HS6ST2: variants seen among roughly 807,000 people sequenced by gnomAD.
The protein encoded by HS6ST2 is heparan sulfate 6-O-sulfotransferase 2.
In HS6ST2, 17 loss-of-function variants were observed where a neutral mutation model predicts 33.0. That is an observed-to-expected ratio of 0.52 (90% confidence interval 0.35 to 0.77). The LOEUF is 0.77. Among genes scored for constraint, HS6ST2 ranks in the 30% least tolerant of loss-of-function variants. The pLI, the probability that HS6ST2 is intolerant of heterozygous loss-of-function variation, is 0.01. For missense variants in HS6ST2, 519 were observed against 551.7 expected (o/e 0.94, Z 0.59); for synonymous variants, 248 against 237.1 (o/e 1.05, Z -0.42).
At chrX:132,646,020 A>G (rs2063638418) in intron 4 of HS6ST2, among the ~76,000 whole-genome samples, 1 of 112,233 alleles carries the variant, frequency 8.9e-6, no homozygotes, top group Non-Finnish European at 1.9e-5. Flanking sequence ...GTAAGTCATC[A>G]AGTTACATAT....
At chrX:132,669,281 C>G (rs2063838669) in intron 3 of HS6ST2, 82 bp from the exon 4 acceptor site, 3 of 801,203 alleles carry the variant, frequency 3.7e-6, no homozygotes, top group Non-Finnish European at 5.4e-6. Context: ...CATTTAAAGA[C>G]TCTCAAGGCC....
At chrX:132,767,159 T>C (rs978546214) in intron 2 of HS6ST2, among the ~76,000 whole-genome samples, 1 of 112,710 alleles carries the variant, frequency 8.9e-6, no homozygotes, top group African/African-American at 3.2e-5. Flanking sequence ...GACTTCAAGA[T>C]GACTGAGACC....
chrX:132,727,345 G>A (rs1301894169), intron 2 of HS6ST2, among the ~76,000 whole-genome samples: 1 of 110,722 alleles, frequency 9.0e-6, no homozygotes, highest in Non-Finnish European at 1.9e-5. Context: ...TTAGGCGCTT[G>A]GAATTCAAGG....
At chrX:132,699,466 G>A (rs919488430) in intron 3 of HS6ST2, among the ~76,000 whole-genome samples, 1 of 111,920 alleles carries the variant, frequency 8.9e-6, no homozygotes, top group African/African-American at 3.2e-5. Flanking sequence ...TGATCACTGA[G>A]TATTAAATCA....
intron 3 of HS6ST2, among the ~76,000 whole-genome samples, chrX:132,674,015 C>T (rs1356785540): frequency 4.5e-5 from 5 of 111,502 alleles, no homozygotes; most frequent in Non-Finnish European, 9.4e-5. Flanking sequence ...TTTCTTTGTT[C>T]CAAACTTTTT....
intron 2 of HS6ST2, among the ~76,000 whole-genome samples, chrX:132,790,773 T>G (rs941819720): frequency 8.9e-6 from 1 of 112,152 alleles, no homozygotes; most frequent in Non-Finnish European, 1.9e-5. Flanking sequence ...ACTAAGGCAT[T>G]AAAAGAGTGA....
chrX:132,789,940 G>A (rs1263458421), intron 2 of HS6ST2, among the ~76,000 whole-genome samples: 4 of 112,382 alleles, frequency 3.6e-5, no homozygotes, highest in African/African-American at 1.3e-4. Context: ...GTGGTTTCTT[G>A]AGATAGGATC....
At chrX:132,643,391 C>T (rs2063615910) in intron 4 of HS6ST2, among the ~76,000 whole-genome samples, 1 of 111,462 alleles carries the variant, frequency 9.0e-6, no homozygotes, top group East Asian at 2.8e-4. Context: ...GAGTAAGAGC[C>T]ATGTCCCATG....
intron 2 of HS6ST2, among the ~76,000 whole-genome samples, chrX:132,762,646 C>T (rs1569488118): frequency 9.0e-6 from 1 of 111,310 alleles, no homozygotes; most frequent in Non-Finnish European, 1.9e-5. Flanking sequence ...GCAGAGACCA[C>T]AAAAGACCCA....
intron 2 of HS6ST2, among the ~76,000 whole-genome samples, chrX:132,922,204 C>G (rs2066658207): frequency 9.0e-6 from 1 of 111,613 alleles, no homozygotes; most frequent in Non-Finnish European, 1.9e-5. Context: ...AGATCGAGAC[C>G]ATCCTGGCTA....
chrX:132,919,657 G>A (rs908335902), intron 2 of HS6ST2, among the ~76,000 whole-genome samples: 2 of 111,781 alleles, frequency 1.8e-5, no homozygotes, highest in African/African-American at 6.5e-5. Flanking sequence ...CAAGTCAAAT[G>A]CACTTCATTT....
intron 2 of HS6ST2, among the ~76,000 whole-genome samples, chrX:132,715,536 T>A (rs768015402): frequency 2.5e-4 from 28 of 112,546 alleles, no homozygotes; most frequent in Non-Finnish European, 4.5e-4. Flanking sequence ...CACCCAACTC[T>A]TCCCTGACCC....
chrX:132,697,230 T>G (rs1475113447), intron 3 of HS6ST2, among the ~76,000 whole-genome samples: 2 of 111,856 alleles, frequency 1.8e-5, no homozygotes, highest in Non-Finnish European at 3.8e-5. Flanking sequence ...TGTTGTCTGT[T>G]TTAGACTATA....
intron 4 of HS6ST2, among the ~76,000 whole-genome samples, chrX:132,631,940 C>A (rs1426536073): frequency 9.0e-6 from 1 of 111,586 alleles, no homozygotes; most frequent in Non-Finnish European, 1.9e-5. Context: ...CCTACCCCAA[C>A]ATGGATAGAG....
rs758150039 is a variant in HS6ST2, at chrX:132,936,684, A to G, written c.947+20124T>C. On this transcript the variant is annotated intron_variant, in intron 2 of 4. Coordinates refer to ENST00000370833, the MANE Select transcript of HS6ST2 (RefSeq NM_001394073.1). ...TTAGATACAAAGAGAGGAACAATAG[A>G]AACCAGGGCCTACTTGAGGGTGGAG... Among the ~76,000 whole-genome samples the G allele has an allele frequency of 5.4e-5, 6 of 111,537 alleles. No individual in the cohort carries two copies. In the East Asian group the frequency reaches 1.1e-3, roughly 21 times the overall value.
chrX:132,821,977 C>G (rs1158597502), intron 2 of HS6ST2, among the ~76,000 whole-genome samples: 10 of 105,958 alleles, frequency 9.4e-5, no homozygotes, highest in Non-Finnish European at 1.7e-4. Flanking sequence ...GGTGACAGAG[C>G]CAGACCCCAT....
rs137873558 is a variant in HS6ST2 at position 132,803,621 on chromosome X, C to G, written c.948-95127G>C. On this transcript the variant is annotated intron_variant, in intron 2 of 4. Transcript: ENST00000370833. ...ATGGGGTTTCGCCATGTTGGCCAGG[C>G]TAGTCTCGAACTCCTGGCCTCAAGT... 7.6e-3 allele frequency among the ~76,000 whole-genome samples: 847 copies of G among 111,470 alleles called. 7 individuals carry two copies. The highest frequency in any genetic ancestry group is 0.025 in the African/African-American group (778 of 30,686).
chrX:132,746,346 C>CA (rs1285177417), intron 2 of HS6ST2, among the ~76,000 whole-genome samples: 1 of 110,529 alleles, frequency 9.0e-6, no homozygotes, highest in Non-Finnish European at 1.9e-5. Flanking sequence ...ACTAAAAATA[C>CA]AAAAAAATTA....
At chrX:132,675,109 A>G (rs1449683873) in intron 3 of HS6ST2, among the ~76,000 whole-genome samples, 1 of 111,309 alleles carries the variant, frequency 9.0e-6, no homozygotes, top group African/African-American at 3.3e-5. Flanking sequence ...GTTGGGAGGG[A>G]GATCTGGACT....
Sources: gnomAD v4.1 joint callset for allele counts (sites outside exome capture counted in the v4.1 genomes callset) on GRCh38, gnomAD v4.1.1 for gene constraint, MANE v1.5 for transcripts, NCBI Gene and HGNC (gene_info 2026-07-23, HGNC 2026-07-21) for gene names.